PRDM16: variants seen among roughly 807,000 people sequenced by gnomAD.
The protein encoded by PRDM16 is PR/SET domain 16.
PRDM16 carries 23 observed loss-of-function variants against 110.6 expected under a neutral mutation model. The observed-to-expected ratio is 0.21, with a 90% CI of 0.15 to 0.29. The LOEUF (loss-of-function observed/expected upper bound fraction) is 0.29. Among genes scored for constraint, PRDM16 ranks in the 10% least tolerant of loss-of-function variants. PRDM16 has a pLI of 1.00. For missense variants in PRDM16, 1,615 were observed against 1,794.3 expected (o/e 0.90, Z 1.81); for synonymous variants, 799 against 781.8 (o/e 1.02, Z -0.37).
At chr1:3,103,765 C>G (rs747395757) in intron 1 of PRDM16, among the ~76,000 whole-genome samples, 7 of 152,178 alleles carry the variant, frequency 4.6e-5, no homozygotes, top group Non-Finnish European at 8.8e-5. Flanking sequence ...CAGGGCTGCT[C>G]TGGAGTGCAC....
chr1:3,342,804 C>T (rs971960848), intron 3 of PRDM16, among the ~76,000 whole-genome samples: 3 of 152,154 alleles, frequency 2.0e-5, no homozygotes, highest in African/African-American at 7.2e-5. Context: ...CTATCTATGC[C>T]ACTGCACTTG....
intron 3 of PRDM16, among the ~76,000 whole-genome samples, chr1:3,269,593 GGAGGAGGACAGTCCCA>G (rs1640382374): frequency 7.0e-6 from 1 of 142,948 alleles, no homozygotes; most frequent in African/African-American, 2.7e-5. Flanking sequence ...AGGACAGTCG[GGAGGAGGACAGTCCCA>G]GAGGAGCACA....
intron 8 of PRDM16, among the ~76,000 whole-genome samples, chr1:3,407,526 C>T (rs115030830): frequency 0.012 from 1,884 of 152,182 alleles, 46 homozygotes; most frequent in African/African-American, 0.043. Flanking sequence ...GGGGCTGGGG[C>T]GGGGGGTGAC....
intron 3 of PRDM16, among the ~76,000 whole-genome samples, chr1:3,336,595 CAT>C (rs1204489235): frequency 6.8e-5 from 10 of 147,936 alleles, no homozygotes; most frequent in African/African-American, 2.5e-5. Context: ...CATGCATGCA[CAT>C]CTGTGTTGGT....
intron 1 of PRDM16, among the ~76,000 whole-genome samples, chr1:3,085,497 G>A (rs1247227378): frequency 6.6e-6 from 1 of 152,194 alleles, no homozygotes; most frequent in African/African-American, 2.4e-5. Flanking sequence ...GACAAGGGAA[G>A]GCTTTGGCTC....
chr1:3,164,874 CAGGTGGGA>C, intron 1 of PRDM16, among the ~76,000 whole-genome samples: 1 of 152,290 alleles, frequency 6.6e-6, no homozygotes, highest in Non-Finnish European at 1.5e-5. Context: ...TTGGGAGATG[CAGGTGGGA>C]AGGCCGTCGC....
intron 3 of PRDM16, among the ~76,000 whole-genome samples, chr1:3,371,346 C>T (rs1374515717): frequency 1.3e-5 from 2 of 150,944 alleles, no homozygotes; most frequent in Non-Finnish European, 3.0e-5. Context: ...CATCCATTCA[C>T]CATCCATCCA....
At chr1:3,146,582 G>A (rs1189458009) in intron 1 of PRDM16, among the ~76,000 whole-genome samples, 6 of 148,228 alleles carry the variant, frequency 4.0e-5, no homozygotes, top group Non-Finnish European at 7.5e-5. Flanking sequence ...CTCGGTGTGG[G>A]GCATATGTGT....
At chr1:3,276,768 C>A (rs1640595162) in intron 3 of PRDM16, among the ~76,000 whole-genome samples, 1 of 144,634 alleles carries the variant, frequency 6.9e-6, no homozygotes, top group African/African-American at 2.9e-5. Context: ...AGAACAGCGC[C>A]AGCCGCCTTG....
rs1472195036 is a variant in PRDM16, at chr1:3,140,747, G to A, written c.38-45378G>A. ...TGTGAGGGTGGGGCCACAGTCACGC[G>A]TCCCTCTCTGCATCCCAGACCCCCA... On this transcript the variant is annotated intron_variant, in intron 1 of 16. Transcript: ENST00000270722. 7.2e-5 allele frequency among the ~76,000 whole-genome samples: 11 copies of A among 152,324 alleles called. No homozygotes were observed. The East Asian group carries it at 7.7e-4, about 11-fold the overall frequency.
At chr1:3,097,062 TG>T (rs1374840964) in intron 1 of PRDM16, among the ~76,000 whole-genome samples, 1 of 152,148 alleles carries the variant, frequency 6.6e-6, no homozygotes, top group Non-Finnish European at 1.5e-5. Flanking sequence ...GGGACCCTTT[TG>T]CTGGGGCTGG....
At chr1:3,200,889 A>G (rs1364193637) in intron 2 of PRDM16, among the ~76,000 whole-genome samples, 1 of 151,998 alleles carries the variant, frequency 6.6e-6, no homozygotes, top group African/African-American at 2.4e-5. Context: ...GAAGACGAGG[A>G]CAAGAGCCGA....
At chr1:3,273,169 C>T (rs985222123) in intron 3 of PRDM16, among the ~76,000 whole-genome samples, 2 of 152,140 alleles carry the variant, frequency 1.3e-5, no homozygotes, top group Admixed American at 6.5e-5. Flanking sequence ...GAGGTGGGCT[C>T]CATGGCAGAG....
At chr1:3,114,207 A>ACGCACGCACG (rs1402062190) in intron 1 of PRDM16, among the ~76,000 whole-genome samples, 3 of 82,950 alleles carry the variant, frequency 3.6e-5, no homozygotes, top group Non-Finnish European at 7.0e-5. Context: ...ACGCACGCAC[A>ACGCACGCACG]CACGCACACG....
At chr1:3,399,433 G>A (rs1375330812) in intron 5 of PRDM16, among the ~76,000 whole-genome samples, 2 of 152,148 alleles carry the variant, frequency 1.3e-5, no homozygotes, top group African/African-American at 2.4e-5. Context: ...AGCCCCAGGG[G>A]TGTATTCAGG....
At chr1:3,375,687 T>TC (rs988229257) in intron 3 of PRDM16, among the ~76,000 whole-genome samples, 4 of 152,212 alleles carry the variant, frequency 2.6e-5, no homozygotes, top group African/African-American at 9.6e-5. Flanking sequence ...GCCCCTGTCC[T>TC]CCACTGGTGT....
chr1:3,292,752 A>G (rs1334252580), intron 3 of PRDM16, among the ~76,000 whole-genome samples: 1 of 152,244 alleles, frequency 6.6e-6, no homozygotes, highest in Non-Finnish European at 1.5e-5. Context: ...CGCGAAGGGA[A>G]GAATGGGGAG....
intron 12 of PRDM16, among the ~76,000 whole-genome samples, chr1:3,423,818 G>A (rs955519965): frequency 6.6e-6 from 1 of 152,264 alleles, no homozygotes; most frequent in Non-Finnish European, 1.5e-5. Context: ...GCTGCAGTGG[G>A]TAGACTTTCT....
At chr1:3,133,286 C>T (rs1357856128) in intron 1 of PRDM16, 2 of 152,254 alleles carry the variant, frequency 1.3e-5, no homozygotes, top group Non-Finnish European at 2.9e-5. Flanking sequence ...GGTTGCTTTT[C>T]CCACCGCAAA....
Sources: gnomAD v4.1 joint callset for allele counts (sites outside exome capture counted in the v4.1 genomes callset) on GRCh38, gnomAD v4.1.1 for gene constraint, MANE v1.5 for transcripts, NCBI Gene and HGNC (gene_info 2026-07-23, HGNC 2026-07-21) for gene names.